ITPR2: variants seen among roughly 807,000 people sequenced by gnomAD.
ITPR2 encodes the protein inositol 1,4,5-trisphosphate-gated calcium channel ITPR2.
A neutral mutation model predicts 317.1 loss-of-function variants in ITPR2; 207 were observed. That is an observed-to-expected ratio of 0.65 (90% CI 0.58 to 0.73). The LOEUF (loss-of-function observed/expected upper bound fraction) is 0.73. ITPR2 is among the 30% of genes least tolerant of loss of function. ITPR2 has a pLI of 0.00. For missense variants in ITPR2, 2,613 were observed against 3,284.0 expected, an observed-to-expected ratio of 0.80 and a Z score of 4.99; for synonymous variants, 1,156 against 1,149.1, an observed-to-expected ratio of 1.01 and a Z score of -0.12.
At chr12:26,697,913 A>T (rs1487726125) in intron 9 of ITPR2, among the ~76,000 whole-genome samples, 1 of 152,156 alleles carries the variant, frequency 6.6e-6, no homozygotes, top group South Asian at 2.1e-4. Flanking sequence ...ATACAAAATT[A>T]AAGTCCACAT....
intron 2 of ITPR2, among the ~76,000 whole-genome samples, chr12:26,749,791 G>A (rs2137100966): frequency 6.6e-6 from 1 of 152,290 alleles, no homozygotes. Context: ...CAAGAACACA[G>A]TTATAGAAAT....
intron 37 of ITPR2, among the ~76,000 whole-genome samples, chr12:26,519,623 C>T (rs969045489): frequency 1.3e-5 from 2 of 152,114 alleles, no homozygotes; most frequent in Admixed American, 1.3e-4. Flanking sequence ...ATGTTCATTA[C>T]CATTAATATT....
chr12:26,557,941 C>T (rs1408292486), intron 35 of ITPR2, among the ~76,000 whole-genome samples: 1 of 151,950 alleles, frequency 6.6e-6, no homozygotes, highest in African/African-American at 2.4e-5. Context: ...AGAACATTGC[C>T]AATTGCTTAT....
chr12:26,495,465 G>A (rs1942911438), intron 37 of ITPR2: 3 of 484,670 alleles, frequency 6.2e-6, no homozygotes, highest in Non-Finnish European at 3.7e-6. Flanking sequence ...TAAATAAAGA[G>A]GGTGGGAGAA....
intron 13 of ITPR2, among the ~76,000 whole-genome samples, chr12:26,666,519 A>G (rs1242524204): frequency 6.6e-6 from 1 of 152,218 alleles, no homozygotes; most frequent in Non-Finnish European, 1.5e-5. Flanking sequence ...AAACAGCTAT[A>G]CTAAATTCCT....
chr12:26,529,278 C>T (rs958539500), intron 37 of ITPR2, among the ~76,000 whole-genome samples: 10 of 152,206 alleles, frequency 6.6e-5, no homozygotes, highest in Admixed American at 2.0e-4. Context: ...AAAGGGCCTA[C>T]ATGATCCAGC....
intron 36 of ITPR2, among the ~76,000 whole-genome samples, chr12:26,552,654 A>C (rs1360847811): frequency 6.6e-6 from 1 of 152,206 alleles, no homozygotes; most frequent in African/African-American, 2.4e-5. Context: ...AGGAAAGTGA[A>C]GCCTGCCTTT....
intron 2 of ITPR2, among the ~76,000 whole-genome samples, chr12:26,726,200 C>T (rs1193413744): frequency 1.3e-5 from 2 of 152,162 alleles, no homozygotes; most frequent in Non-Finnish European, 2.9e-5. Flanking sequence ...TAGATCCCAG[C>T]TGACCATTAG....
chr12:26,618,008 T>C (rs1168218226), intron 26 of ITPR2, among the ~76,000 whole-genome samples: 5 of 152,164 alleles, frequency 3.3e-5, no homozygotes, highest in Non-Finnish European at 1.5e-5. Context: ...AAAAATAATA[T>C]AATCTTAATA....
intron 9 of ITPR2, among the ~76,000 whole-genome samples, chr12:26,708,785 G>A (rs982075904): frequency 2.0e-5 from 3 of 152,118 alleles, no homozygotes; most frequent in Non-Finnish European, 2.9e-5. Context: ...ACAAAGAAAT[G>A]ATAAATGCCT....
At chr12:26,768,994 A>AACAC (rs143843238) in intron 2 of ITPR2, among the ~76,000 whole-genome samples, 1,506 of 96,888 alleles carry the variant, frequency 0.016, 11 homozygotes, top group Admixed American at 0.026. Context: ...CATCCAGTAG[A>AACAC]ACACACACAC....
chr12:26,423,467 A>G (rs1406244578), intron 49 of ITPR2, among the ~76,000 whole-genome samples: 2 of 152,182 alleles, frequency 1.3e-5, no homozygotes, highest in African/African-American at 4.8e-5. Context: ...TAAATGAATT[A>G]CACATTTCCA....
At chr12:26,493,069 C>A (rs889191662) in intron 39 of ITPR2, among the ~76,000 whole-genome samples, 9 of 152,116 alleles carry the variant, frequency 5.9e-5, no homozygotes, top group African/African-American at 2.2e-4. Flanking sequence ...AAAACTCACT[C>A]AATTTCCTCC....
At chr12:26,581,574 A>G (rs1026443576) in intron 32 of ITPR2, among the ~76,000 whole-genome samples, 3 of 152,152 alleles carry the variant, frequency 2.0e-5, no homozygotes, top group Non-Finnish European at 4.4e-5. Context: ...ATGAATTAAT[A>G]ATTTAGTAAA....
chr12:26,556,566 T>TTTTTTTG (rs370599538), intron 35 of ITPR2, among the ~76,000 whole-genome samples, 191 bp from the exon 36 acceptor site: 1 of 136,200 alleles, frequency 7.3e-6, no homozygotes, highest in African/African-American at 2.8e-5. Context: ...ATTTTTTTTT[T>TTTTTTTG]TGTGTGTGTG....
intron 37 of ITPR2, among the ~76,000 whole-genome samples, chr12:26,525,183 G>A (rs1452315421): frequency 6.6e-6 from 1 of 152,168 alleles, no homozygotes; most frequent in Non-Finnish European, 1.5e-5. Context: ...TGAGGAGAGT[G>A]TGGGCATGGA....
intron 37 of ITPR2, among the ~76,000 whole-genome samples, chr12:26,522,022 C>T (rs1191954006): frequency 1.3e-5 from 2 of 152,152 alleles, no homozygotes; most frequent in African/African-American, 4.8e-5. Flanking sequence ...CTATAAAATA[C>T]TACAGCGTCA....
chr12:26,438,814 G>A (rs530528612), intron 47 of ITPR2, among the ~76,000 whole-genome samples: 1 of 152,294 alleles, frequency 6.6e-6, no homozygotes, highest in South Asian at 2.1e-4. Context: ...CCCATTCACG[G>A]ACTTCAAACC....
chr12:26,400,411 A>C (rs1434986091), intron 52 of ITPR2, among the ~76,000 whole-genome samples, 153 bp from the exon 53 acceptor site: 1 of 152,034 alleles, frequency 6.6e-6, no homozygotes, highest in African/African-American at 2.4e-5. Flanking sequence ...ACAATAAATA[A>C]ATATACCTAA....
Sources: gnomAD v4.1 joint callset for allele counts (sites outside exome capture counted in the v4.1 genomes callset) on GRCh38, gnomAD v4.1.1 for gene constraint, MANE v1.5 for transcripts, NCBI Gene and HGNC (gene_info 2026-07-23, HGNC 2026-07-21) for gene names.